XDH: variants seen among roughly 807,000 people sequenced by gnomAD.
XDH encodes xanthine dehydrogenase.
XDH carries 138 observed loss-of-function variants against 156.1 expected under a neutral mutation model. The ratio of observed to expected loss-of-function variants is 0.88; its 90% CI spans 0.77 to 1.02. The LOEUF (loss-of-function observed/expected upper bound fraction) is 1.02, where lower values mean the gene tolerates loss of function less well. Among genes scored for constraint, XDH ranks in the 50% least tolerant of loss-of-function variants. The pLI, the probability that XDH is intolerant of heterozygous loss-of-function variation, is 0.00. For synonymous variants in XDH, 669 were observed against 625.7 expected, an observed-to-expected ratio of 1.07 and a Z score of -1.03; for missense variants, 1,849 against 1,684.9, an observed-to-expected ratio of 1.10 and a Z score of -1.71.
chr2:31,354,813 T>G (rs1051615452), intron 24 of XDH, among the ~76,000 whole-genome samples: 1 of 152,082 alleles, frequency 6.6e-6, no homozygotes, highest in Non-Finnish European at 1.5e-5. Context: ...GACCTAACAC[T>G]CATGCCATTG....
intron 17 of XDH, among the ~76,000 whole-genome samples, chr2:31,370,915 A>C: frequency 6.6e-6 from 1 of 152,220 alleles, no homozygotes; most frequent in East Asian, 1.9e-4. Context: ...TCCAAGTACA[A>C]GCAAGCCATA....
At chr2:31,406,723 T>C (rs1572572914) in intron 1 of XDH, among the ~76,000 whole-genome samples, 1 of 152,332 alleles carries the variant, frequency 6.6e-6, no homozygotes, top group Non-Finnish European at 1.5e-5. Flanking sequence ...CACCTGTGAA[T>C]TTCAGGGGCA....
intron 2 of XDH, among the ~76,000 whole-genome samples, chr2:31,405,589 T>C (rs1372113345): frequency 6.6e-6 from 1 of 152,184 alleles, no homozygotes; most frequent in Non-Finnish European, 1.5e-5. Context: ...AAGGCCCCCC[T>C]CTTCCCACAG....
At chr2:31,369,759 C>A (rs1686023798) in intron 18 of XDH, among the ~76,000 whole-genome samples, 1 of 152,226 alleles carries the variant, frequency 6.6e-6, no homozygotes, top group Admixed American at 6.5e-5. Context: ...ATCTCCTTCA[C>A]TTTTACATCA....
intron 6 of XDH, 67 bp from the exon 7 acceptor site, chr2:31,388,362 A>C: frequency 6.5e-7 from 1 of 1,546,214 alleles, no homozygotes; most frequent in South Asian, 1.1e-5. Context: ...TAAGGAATCT[A>C]GATTACTAAT....
rs554374996 is a variant in XDH, at chr2:31,367,096, C to A, written c.2198-102G>T. On this transcript the variant is annotated intron_variant, in intron 20 of 35. Transcript: ENST00000379416. The stretch of plus-strand genomic sequence containing the variant: ...TCTGCCAAGTGGTCTGGGCAGGAAG[C>A]AATGGCTACCTGAGGGGTAACCTCA... 54 of 1,586,090 alleles carry A rather than the reference C, an allele frequency of 3.4e-5. No individual in the cohort carries two copies. In the African/African-American group the frequency reaches 6.7e-4, roughly 20 times the overall value.
chr2:31,401,342 T>A lies in XDH; in HGVS notation c.198-14A>T. 2 of 1,613,664 alleles carry A rather than the reference T, an allele frequency of 1.2e-6. No individual in the cohort carries two copies. The highest frequency in any genetic ancestry group is 1.7e-6 in the Non-Finnish European group (2 of 1,179,788). On this transcript the variant is annotated splice_polypyrimidine_tract_variant and intron_variant, in intron 3 of 35. Coordinates refer to ENST00000379416, the MANE Select transcript of XDH (RefSeq NM_000379.4). ...GCAGAAAAGTGGCTAGAACCCCAGA[T>A]TAAGGTCATTCCATTTATTGTCCAC...
chr2:31,342,085 T>C (rs951765227), intron 32 of XDH, 98 bp downstream of exon 32: 15 of 1,144,962 alleles, frequency 1.3e-5, no homozygotes, highest in Non-Finnish European at 1.9e-5. Flanking sequence ...GCATTATTTT[T>C]CCAACCAGAA....
chr2:31,383,788 G>T lies in XDH; in HGVS notation c.853C>A (p.Pro285Thr). 1.2e-6 allele frequency: 2 copies of T among 1,614,066 alleles called. No homozygotes were observed. The highest frequency in any genetic ancestry group is 1.7e-6 in the Non-Finnish European group (2 of 1,180,024). Residue 285 changes from proline to threonine, a missense_variant, in exon 10 of 36, where the codon CCT becomes ACT. Physicochemically the swap from Pro to Thr is conservative, Grantham distance 38 (BLOSUM62 -1). Transcript: ENST00000379416. ...CCATGTTCTACCGAATTCAGCTCAGGGATCCAGGCTGGGCAGACAATCATA... is the reference window on the plus strand; with the variant it reads ...CCATGTTCTACCGAATTCAGCTCAGTGATCCAGGCTGGGCAGACAATCATA... ...FPMIVCPAWI[P>T]ELNSVEHGPD...
intron 16 of XDH, 56 bp from the exon 17 acceptor site, chr2:31,372,453 G>A: frequency 6.2e-7 from 1 of 1,610,190 alleles, no homozygotes; most frequent in Non-Finnish European, 8.5e-7. Flanking sequence ...GCCCCTCTAT[G>A]GGCCCAGGGG....
At chr2:31,368,279 A>T (rs1685976329) in intron 19 of XDH, among the ~76,000 whole-genome samples, 1 of 152,204 alleles carries the variant, frequency 6.6e-6, no homozygotes, top group Non-Finnish European at 1.5e-5. Flanking sequence ...ACCTTGAGGA[A>T]AAGCAAAGAA....
chr2:31,377,038 G>A lies in XDH; in HGVS notation c.1427+15C>T, dbSNP rs116569100. 1.2e-6 allele frequency: 2 copies of A among 1,613,898 alleles called. No homozygotes were observed. The highest frequency in any genetic ancestry group is 2.7e-5 in the African/African-American group (2 of 74,866). On this transcript the variant is annotated intron_variant, in intron 14 of 35. Coordinates refer to ENST00000379416, the MANE Select transcript of XDH (RefSeq NM_000379.4). ...GCAACATTAGCAGCAGTTTCATTGT[G>A]CTGTTAGCTCTTACTTGGAAAGCTG...
chr2:31,362,182 C>T lies in XDH; in HGVS notation c.2631+1976G>A, dbSNP rs549296930. 2.0e-5 allele frequency among the ~76,000 whole-genome samples: 3 copies of T among 152,176 alleles called. No homozygotes were observed. In the South Asian group the frequency reaches 6.2e-4, roughly 32 times the overall value. ...AGCAAGCTTTCCTCAGAGCACTAGG[C>T]AGCCTTTAACTGAAGGTGCTATGTT... is the stretch of plus-strand genomic sequence containing the variant. On this transcript the variant is annotated intron_variant, in intron 24 of 35. Coordinates refer to ENST00000379416, the MANE Select transcript of XDH (RefSeq NM_000379.4).
intron 26 of XDH, among the ~76,000 whole-genome samples, 197 bp from the exon 27 acceptor site, chr2:31,349,177 C>T (rs751201789): frequency 2.2e-4 from 34 of 152,298 alleles, no homozygotes; most frequent in Non-Finnish European, 4.3e-4. Context: ...GGTCAGAGTG[C>T]CCTGGTAATC....
chr2:31,364,743 C>T (rs1329763567), intron 23 of XDH, among the ~76,000 whole-genome samples: 1 of 152,106 alleles, frequency 6.6e-6, no homozygotes, highest in Non-Finnish European at 1.5e-5. Flanking sequence ...AAACTGGGAC[C>T]CCAGAAGATC....
At chr2:31,366,751 C>G (rs953652673) in intron 21 of XDH, 119 bp downstream of exon 21, 3 of 1,519,734 alleles carry the variant, frequency 2.0e-6, no homozygotes, top group Admixed American at 3.3e-5. Context: ...CTATGACACT[C>G]GAGTACCCTC....
chr2:31,383,200 A>G lies in XDH; in HGVS notation c.887-48T>C, dbSNP rs865805318. 4 of 1,613,758 alleles carry G rather than the reference A, an allele frequency of 2.5e-6. No homozygotes were observed. In the Middle Eastern group the frequency reaches 6.6e-4, roughly 267 times the overall value. ...ACAGCAATTCTTCCCACAGTTCAGA[A>G]GAGGCTTTCATGCACAGCTCCTCTG... is the stretch of plus-strand genomic sequence containing the variant. On this transcript the variant is annotated intron_variant, in intron 10 of 35. Transcript: ENST00000379416.
rs750074671 is a variant in XDH at position 31,364,175 on chromosome 2, G to A, written c.2614C>T (p.Gln872Ter). Residue 872 changes from glutamine (Q) to a stop codon, truncating the protein, a stop_gained, in exon 24 of 36, where the codon CAG (glutamine) becomes TAG (stop). Transcript: ENST00000379416. LOFTEE classifies it high-confidence loss of function. ...VDHFSNVGNT[Q>*]DLSQSIMERA... ...CTACTCACACTCTGAGAGAGATCCT[G>A]GGTGTTCCCCACATTGCTGAAGTGG... The A allele has an allele frequency of 6.2e-7, 1 of 1,614,076 alleles. No homozygotes were observed. Among genetic ancestry groups the A allele is most frequent in the Admixed American group, 1.7e-5 (1 of 60,010 alleles).
At chr2:31,383,715 T>G (rs564152751) in intron 10 of XDH, 40 bp downstream of exon 10, 1 of 1,593,848 alleles carries the variant, frequency 6.3e-7, no homozygotes, top group Non-Finnish European at 8.6e-7. Context: ...ATCCCCAGCC[T>G]CACAGCCCCT....
Sources: allele counts gnomAD v4.1 joint callset (sites outside exome capture counted in the v4.1 genomes callset), GRCh38; gene constraint gnomAD v4.1.1; transcripts MANE v1.5; gene names NCBI Gene and HGNC (gene_info 2026-07-23, HGNC 2026-07-21).